CCNY: variants seen among roughly 807,000 people sequenced by gnomAD.
CCNY encodes the protein cyclin Y.
In CCNY, 19 loss-of-function variants were observed where a neutral mutation model predicts 42.8. That is an observed-to-expected ratio of 0.44 (90% CI 0.31 to 0.65). The LOEUF (loss-of-function observed/expected upper bound fraction) is 0.65. CCNY is among the 30% of genes least tolerant of loss of function. The pLI is 0.07. For synonymous variants in CCNY, 165 were observed against 162.7 expected (o/e 1.01, Z -0.11); for missense variants, 370 against 437.3 (o/e 0.85, Z 1.37).
chr10:35,319,277 C>T lies in CCNY; in HGVS notation c.-9+68651C>T, dbSNP rs944121873. Among the ~76,000 whole-genome samples, 15 of 152,082 alleles carry T rather than the reference C, an allele frequency of 9.9e-5. No homozygotes were observed. The South Asian group carries it at 2.1e-3, about 21-fold the overall frequency. On this transcript the variant is annotated intron_variant, in intron 3 of 11. Coordinates refer to the CCNY transcript ENST00000374706. ...TGCCTGTAATCCCAACAATTTGAAA[C>T]GCTGAGGCAGGAGGACTGCCTGAGA...
At chr10:35,464,030 A>T (rs1252263635) in intron 1 of CCNY, among the ~76,000 whole-genome samples, 1 of 152,208 alleles carries the variant, frequency 6.6e-6, no homozygotes, top group African/African-American at 2.4e-5. Flanking sequence ...CCTGGAGGAA[A>T]AGGTTCTAGG....
intron 7 of CCNY, among the ~76,000 whole-genome samples, chr10:35,538,999 A>G (rs1840942464): frequency 6.6e-6 from 1 of 152,160 alleles, no homozygotes; most frequent in Non-Finnish European, 1.5e-5. Context: ...TTGGATATCC[A>G]GTTGTCCCAG....
intron 3 of CCNY, among the ~76,000 whole-genome samples, chr10:35,255,065 G>A (rs2095714534): frequency 6.6e-6 from 1 of 151,948 alleles, no homozygotes; most frequent in African/African-American, 2.4e-5. Context: ...TCCTGTTGTT[G>A]CTGGGTAGAC....
At chr10:35,266,701 G>A (rs1182281893) in intron 3 of CCNY, among the ~76,000 whole-genome samples, 1 of 152,084 alleles carries the variant, frequency 6.6e-6, no homozygotes, top group Non-Finnish European at 1.5e-5. Context: ...GTGTCATTAA[G>A]CGTTCTTATT....
intron 7 of CCNY, among the ~76,000 whole-genome samples, chr10:35,548,716 G>A (rs988092478): frequency 2.0e-5 from 3 of 152,266 alleles, no homozygotes; most frequent in African/African-American, 7.2e-5. Context: ...TGCCTCTGGG[G>A]CTGTGGAAGC....
intron 1 of CCNY, among the ~76,000 whole-genome samples, chr10:35,399,705 T>C (rs1007445500): frequency 2.0e-5 from 3 of 152,206 alleles, no homozygotes; most frequent in Admixed American, 1.3e-4. Context: ...GATAAGGGGT[T>C]ATCTCTCTTC....
intron 3 of CCNY, among the ~76,000 whole-genome samples, chr10:35,507,796 T>G (rs1208569907): frequency 1.3e-5 from 2 of 151,906 alleles, no homozygotes; most frequent in Non-Finnish European, 2.9e-5. Context: ...GGGCCAGTTT[T>G]TTTTTTTTTT....
At chr10:35,367,777 A>C (rs1359935240) in intron 1 of CCNY, among the ~76,000 whole-genome samples, 1 of 152,236 alleles carries the variant, frequency 6.6e-6, no homozygotes, top group African/African-American at 2.4e-5. Context: ...AAACAAAAGT[A>C]ATTTTCCTAA....
intron 1 of CCNY, among the ~76,000 whole-genome samples, chr10:35,393,309 T>C (rs1368829254): frequency 6.6e-6 from 1 of 152,110 alleles, no homozygotes; most frequent in Non-Finnish European, 1.5e-5. Flanking sequence ...TTCTCAAACC[T>C]TGCTGTCCGG....
chr10:35,492,997 G>C lies in CCNY; in HGVS notation c.230-8504G>C, dbSNP rs556771348. Among the ~76,000 whole-genome samples, 48 of 151,164 alleles carry C rather than the reference G, an allele frequency of 3.2e-4. No homozygotes were observed. The South Asian group carries it at 4.6e-3, about 14-fold the overall frequency. ...GCAGTCTTCTCTTGAGGTGCATGGG[G>C]GGGGGAGGGCAGGTATCAGGTTTCT... is the stretch of plus-strand genomic sequence containing the variant. On this transcript the variant is annotated intron_variant, in intron 2 of 9. Transcript: ENST00000374704.
At chr10:35,451,106 T>G (rs1252643326) in intron 1 of CCNY, among the ~76,000 whole-genome samples, 6 of 152,108 alleles carry the variant, frequency 3.9e-5, no homozygotes, top group Non-Finnish European at 8.8e-5. Flanking sequence ...TTTTGAAGAG[T>G]GTTAGGCAGA....
chr10:35,441,141 G>A (rs959769689), intron 1 of CCNY, among the ~76,000 whole-genome samples: 1 of 152,200 alleles, frequency 6.6e-6, no homozygotes, highest in African/African-American at 2.4e-5. Context: ...GAGGGTCAGG[G>A]AGAGTCTGTA....
At chr10:35,267,064 A>G (rs1366285168) in intron 3 of CCNY, among the ~76,000 whole-genome samples, 1 of 148,496 alleles carries the variant, frequency 6.7e-6, no homozygotes, top group Non-Finnish European at 1.5e-5. Flanking sequence ...CCTGGTGGAT[A>G]AGAGTGAGAC....
chr10:35,483,555 A>T (rs1461562388), intron 2 of CCNY, 77 bp downstream of exon 2: 1 of 910,254 alleles, frequency 1.1e-6, no homozygotes, highest in Non-Finnish European at 1.8e-6. Flanking sequence ...TTCCCACAGG[A>T]TTTAATTTTC....
intron 3 of CCNY, among the ~76,000 whole-genome samples, chr10:35,305,048 A>G (rs182568532): frequency 1.3e-5 from 2 of 152,324 alleles, no homozygotes; most frequent in East Asian, 3.9e-4. Context: ...ACAATTCATG[A>G]GGCATTCCCG....
chr10:35,326,010 AG>A (rs1459942677), intron 3 of CCNY, among the ~76,000 whole-genome samples: 1 of 152,206 alleles, frequency 6.6e-6, no homozygotes, highest in Non-Finnish European at 1.5e-5. Context: ...CAGGAGTTCA[AG>A]GCTGCAGGGA....
Position 35,530,964 on chromosome 10 carries a change from G to GA in CCNY, c.579+723dup, listed in dbSNP as rs1840752455. Reference sequence around the variant, plus strand: ...ACGTACCTGTGGTCCCAGCTACTTGGAAGGCTGAGGTGAAAGGATCACTTA... The same window carrying GA: ...ACGTACCTGTGGTCCCAGCTACTTGGAAAGGCTGAGGTGAAAGGATCACTTA... On this transcript the variant is annotated intron_variant, in intron 7 of 9. Coordinates refer to ENST00000374704, the MANE Select transcript of CCNY (RefSeq NM_145012.6). This position sits in a 1 kb window ranked among gnomAD's most constrained non-coding sequence, Gnocchi z 4.3. Among the ~76,000 whole-genome samples, 1 of 152,158 alleles carries GA rather than the reference G, an allele frequency of 6.6e-6. No homozygotes were observed. The highest frequency in any genetic ancestry group is 1.5e-5 in the Non-Finnish European group (1 of 68,030).
At chr10:35,439,423 CTGT>C (rs1234030093) in intron 1 of CCNY, among the ~76,000 whole-genome samples, 8 of 152,060 alleles carry the variant, frequency 5.3e-5, no homozygotes, top group Non-Finnish European at 8.8e-5. Context: ...CTTTTTACTT[CTGT>C]TGTTATATTT....
At chr10:35,260,557 C>T (rs539814643) in intron 3 of CCNY, among the ~76,000 whole-genome samples, 100 of 152,348 alleles carry the variant, frequency 6.6e-4, no homozygotes, top group Non-Finnish European at 1.3e-3. Context: ...TAAATGCTGG[C>T]TGTGCATGAA....
Sources: allele counts gnomAD v4.1 joint callset (sites outside exome capture counted in the v4.1 genomes callset), GRCh38; gene constraint gnomAD v4.1.1; non-coding constraint Gnocchi (gnomAD v3.1); transcripts MANE v1.5; gene names NCBI Gene and HGNC (gene_info 2026-07-23, HGNC 2026-07-21).